The following ADAT1 variants were observed in gnomAD, a reference collection of about 807,000 sequenced individuals.
ADAT1 encodes tRNA-specific adenosine deaminase 1.
A neutral mutation model predicts 58.6 loss-of-function variants in ADAT1; 58 were observed. The ratio of observed to expected loss-of-function variants is 0.99; its 90% CI spans 0.80 to 1.23. The LOEUF (loss-of-function observed/expected upper bound fraction) is 1.23, where lower values mean the gene tolerates loss of function less well. Among genes scored for constraint, ADAT1 ranks in the 50% most tolerant of loss-of-function variants. ADAT1 has a pLI of 0.00. For synonymous variants in ADAT1, 254 were observed against 220.8 expected, an observed-to-expected ratio of 1.15 and a Z score of -1.33; for missense variants, 741 against 608.6, an observed-to-expected ratio of 1.22 and a Z score of -2.29.
rs1054981084 is a variant in ADAT1 at position 75,612,662 on chromosome 16, G to A, written c.624C>T (p.Val208=). The A allele has an allele frequency of 1.2e-6, 2 of 1,614,064 alleles. No homozygotes were observed. Among genetic ancestry groups the A allele is most frequent in the Non-Finnish European group, 1.7e-6 (2 of 1,180,032 alleles). ...TCTGATGGTGAGCTGCTCCGTTGGT[G>A]ACCTCCCTGGCTGCAGTCCCAGGCT... ...RLEPGTAARE[V]TNGAAHHQSF... The change falls in exon 6 of 10, where the codon GTC becomes GTT. Residue 208 remains valine (V), a synonymous_variant. Coordinates refer to ENST00000564657, the MANE Select transcript of ADAT1 (RefSeq NM_001324445.2).
At chr16:75,618,806 G>C (rs2164245) in intron 3 of ADAT1, 166 bp from the exon 4 acceptor site, 89,346 of 756,734 alleles carry the variant, frequency 0.12, 15,617 homozygotes, top group East Asian at 0.74. Context: ...ATCAGGTGCA[G>C]GGTTTCTCAA....
intron 3 of ADAT1, among the ~76,000 whole-genome samples, chr16:75,618,889 C>T (rs2081837115): frequency 6.6e-6 from 1 of 152,136 alleles, no homozygotes; most frequent in South Asian, 2.1e-4. Context: ...ACACTGTAGA[C>T]TGTTTATTAG....
At chr16:75,620,184 G>T in intron 3 of ADAT1, 82 bp downstream of exon 3, 1 of 1,367,556 alleles carries the variant, frequency 7.3e-7, no homozygotes, top group Non-Finnish European at 1.0e-6. Context: ...AACTGACATG[G>T]CCCCTCTTCC....
chr16:75,620,700 A>G lies in ADAT1; in HGVS notation c.100T>C (p.Leu34=), dbSNP rs746854242. ...KPEPNHEWTL[L]AAVVKIQSPA... is the part of the protein sequence containing the mutation. ...GATTGTATCTTCACCACCGCTGCCA[A>G]TAATGTCCACTCATGGTTTGGCTCA... The change falls in exon 2 of 10, where the codon TTG becomes CTG. Residue 34 remains leucine, a synonymous_variant. Transcript: ENST00000564657. The G allele has an allele frequency of 1.1e-5, 18 of 1,614,046 alleles. No individual in the cohort carries two copies. The South Asian group carries it at 1.9e-4, about 17-fold the overall frequency.
intron 6 of ADAT1, among the ~76,000 whole-genome samples, chr16:75,609,254 C>T (rs1339364635): frequency 6.6e-6 from 1 of 152,182 alleles, no homozygotes; most frequent in African/African-American, 2.4e-5. Flanking sequence ...CTGATATAGG[C>T]TTTGAGAAAC....
chr16:75,609,968 T>C (rs1044345325), intron 6 of ADAT1, among the ~76,000 whole-genome samples: 1 of 152,182 alleles, frequency 6.6e-6, no homozygotes, highest in African/African-American at 2.4e-5. Flanking sequence ...CCTCCCAAAG[T>C]GCTGGCATTA....
intron 2 of ADAT1, 144 bp from the exon 3 acceptor site, chr16:75,620,478 C>T: frequency 1.4e-6 from 2 of 1,397,170 alleles, no homozygotes; most frequent in East Asian, 2.3e-5. Flanking sequence ...CGGTCTCCCG[C>T]CATCAGAGGT....
chr16:75,605,148 T>C (rs1375428110), intron 8 of ADAT1, among the ~76,000 whole-genome samples: 1 of 152,242 alleles, frequency 6.6e-6, no homozygotes, highest in Non-Finnish European at 1.5e-5. Context: ...TGGAGTGCAG[T>C]GGCGTGATCT....
chr16:75,617,826 C>T (rs2081784542), intron 4 of ADAT1, among the ~76,000 whole-genome samples: 2 of 151,166 alleles, frequency 1.3e-5, no homozygotes, highest in African/African-American at 4.9e-5. Context: ...TGACTCATGC[C>T]TGTAAATCCG....
Position 75,608,319 on chromosome 16 carries a change from G to C in ADAT1, c.1194C>G (p.Ile398Met). 2 of 1,613,202 alleles carry C rather than the reference G, an allele frequency of 1.2e-6. No individual in the cohort carries two copies. Among genetic ancestry groups the C allele is most frequent in the Non-Finnish European group, 1.7e-6 (2 of 1,179,268 alleles). The change falls in exon 8 of 10, where the codon ATC (isoleucine) becomes ATG (methionine). Residue 398 changes from isoleucine to methionine, a missense_variant. Transcript: ENST00000564657. ...GCTGCTCAGGAACTGCACTCCAGCT[G>C]ATGGCTATGAAAAGATAAGATTCTA... is the stretch of plus-strand genomic sequence containing the variant. Reference protein sequence around the residue: ...PGRLVPCGAAISWSAVPEQPL... With the variant: ...PGRLVPCGAAMSWSAVPEQPL...
intron 4 of ADAT1, among the ~76,000 whole-genome samples, chr16:75,617,889 C>G (rs1267551056): frequency 5.4e-5 from 8 of 148,888 alleles, no homozygotes; most frequent in Admixed American, 2.7e-4. Flanking sequence ...GAATCCAACA[C>G]CAGCCTGGGT....
At chr16:75,613,717 C>A (rs371416359) in intron 5 of ADAT1, among the ~76,000 whole-genome samples, 10 of 152,330 alleles carry the variant, frequency 6.6e-5, no homozygotes, top group African/African-American at 2.4e-4. Flanking sequence ...GCCAATAGGA[C>A]TACCAGTCCC....
intron 6 of ADAT1, among the ~76,000 whole-genome samples, chr16:75,610,384 A>C (rs997742694): frequency 6.6e-6 from 1 of 151,726 alleles, no homozygotes; most frequent in Admixed American, 6.6e-5. Context: ...CAGCCTCAAC[A>C]TCCCGTGGCT....
At position 75,617,133 on chromosome 16, in the gene ADAT1, T is replaced by A; in HGVS notation, c.424+9A>T. The stretch of plus-strand genomic sequence containing the variant: ...TGTAACATTAATCCAAAGGCTTGAA[T>A]ATACTTACAGGGTGTATGGCTGGAG... On this transcript the variant is annotated intron_variant, in intron 5 of 9. Coordinates refer to ENST00000564657, the MANE Select transcript of ADAT1 (RefSeq NM_001324445.2). 1.9e-6 allele frequency: 3 copies of A among 1,605,184 alleles called. No individual in the cohort carries two copies. Among genetic ancestry groups the A allele is most frequent in the Non-Finnish European group, 2.6e-6 (3 of 1,173,088 alleles).
In ADAT1 at chr16:75,618,119, A is replaced by AGAG. The variant is rs1418078666; in HGVS notation, c.293+466_293+467insCTC. Among the ~76,000 whole-genome samples the AGAG allele has an allele frequency of 6.1e-3, 905 of 149,352 alleles. 27 individuals carry two copies. The highest frequency in any genetic ancestry group is 0.018 in the African/African-American group (738 of 39,954). Reference sequence around the variant, plus strand: ...TGTCCAAAAAAAAAAAAAAAAAAAAAAAAAAGAGAGAACCACTAGTCTAGA... The same window carrying AGAG: ...TGTCCAAAAAAAAAAAAAAAAAAAAAGAGAAAAAGAGAGAACCACTAGTCTAGA... On this transcript the variant is annotated intron_variant, in intron 4 of 9. Coordinates refer to ENST00000564657, the MANE Select transcript of ADAT1 (RefSeq NM_001324445.2).
In ADAT1 at chr16:75,620,826, T is replaced by C. The variant is rs773862221; in HGVS notation, c.-21-6A>G. The C allele has an allele frequency of 5.6e-6, 9 of 1,593,672 alleles. No individual in the cohort carries two copies. Among genetic ancestry groups the C allele is most frequent in the Middle Eastern group, 3.3e-4 (2 of 5,994 alleles). ...GTCTGAGCTGGTATTGAGACCTTGA[T>C]CAAAAACCACAACCATCAGAAGTAC... is the stretch of plus-strand genomic sequence containing the variant. On this transcript the variant is annotated splice_region_variant and splice_polypyrimidine_tract_variant and intron_variant, in intron 1 of 9. Transcript: ENST00000564657.
At chr16:75,607,217 A>G (rs2151753860) in intron 8 of ADAT1, among the ~76,000 whole-genome samples, 1 of 152,188 alleles carries the variant, frequency 6.6e-6, no homozygotes, top group African/African-American at 2.4e-5. Context: ...TAAAAACTGT[A>G]ATGAGGCCGG....
chr16:75,615,148 A>C (rs996079599), intron 5 of ADAT1, among the ~76,000 whole-genome samples: 2 of 151,178 alleles, frequency 1.3e-5, no homozygotes, highest in Non-Finnish European at 2.9e-5. Context: ...AATCGCCTGG[A>C]CCCGGGAGGT....
chr16:75,617,406 T>C (rs1198831973), intron 4 of ADAT1, 134 bp from the exon 5 acceptor site: 6 of 931,570 alleles, frequency 6.4e-6, no homozygotes, highest in African/African-American at 3.3e-5. Context: ...ATGAGAATGC[T>C]CTAGACCAGT....
Sources: gnomAD v4.1 joint callset for allele counts (sites outside exome capture counted in the v4.1 genomes callset) on GRCh38, gnomAD v4.1.1 for gene constraint, MANE v1.5 for transcripts, NCBI Gene and HGNC (gene_info 2026-07-23, HGNC 2026-07-21) for gene names.